Variants in POR observed in about 807,000 individuals in gnomAD.
POR encodes the protein cytochrome p450 oxidoreductase.
POR carries 56 observed loss-of-function variants against 84.0 expected under a neutral mutation model. The observed-to-expected ratio is 0.67, with a 90% confidence interval of 0.54 to 0.83. The LOEUF (loss-of-function observed/expected upper bound fraction) is 0.83, where lower values mean the gene tolerates loss of function less well. Among genes scored for constraint, POR ranks in the 40% least tolerant of loss-of-function variants. The pLI, the probability that POR is intolerant of heterozygous loss-of-function variation, is 0.00. For synonymous variants in POR, 414 were observed against 400.5 expected (o/e 1.03, Z -0.40); for missense variants, 938 against 944.3 (o/e 0.99, Z 0.09).
chr7:75,920,056 CTTTTTTT>C (rs71519397), intron 1 of POR, among the ~76,000 whole-genome samples: 27 of 76,506 alleles, frequency 3.5e-4, no homozygotes, highest in South Asian at 1.4e-3. Context: ...AGTTGAATTT[CTTTTTTT>C]TTTTTTTTTT....
chr7:75,928,689 T>C (rs1484899108), intron 1 of POR, among the ~76,000 whole-genome samples: 3 of 149,292 alleles, frequency 2.0e-5, no homozygotes, highest in Non-Finnish European at 4.4e-5. Context: ...CTTGAAGCCA[T>C]GTGATGTGGG....
intron 3 of POR, among the ~76,000 whole-genome samples, chr7:75,976,103 T>C (rs1554556792): frequency 6.6e-6 from 1 of 152,170 alleles, no homozygotes; most frequent in East Asian, 1.9e-4. Flanking sequence ...GACACATCTC[T>C]TACAAAGTTT....
At chr7:75,955,483 G>A (rs138972761) in intron 2 of POR, among the ~76,000 whole-genome samples, 2,636 of 152,270 alleles carry the variant, frequency 0.017, 28 homozygotes, top group Non-Finnish European at 0.024. Context: ...ACGCTTGGCT[G>A]TGTTTAACAC....
At chr7:75,984,493 G>A (rs1554558694) in intron 10 of POR, among the ~76,000 whole-genome samples, 2 of 152,192 alleles carry the variant, frequency 1.3e-5, no homozygotes, top group African/African-American at 2.4e-5. Flanking sequence ...GTGTCAGACC[G>A]TGTAGTGTGC....
intron 1 of POR, among the ~76,000 whole-genome samples, chr7:75,946,360 C>T (rs868963433): frequency 6.6e-6 from 1 of 151,950 alleles, no homozygotes; most frequent in African/African-American, 2.4e-5. Flanking sequence ...GATTATGGCT[C>T]ACCGCAACCT....
chr7:75,979,421 C>T (rs1438563163), intron 3 of POR, 30 bp from the exon 4 acceptor site: 15 of 1,608,730 alleles, frequency 9.3e-6, no homozygotes, highest in East Asian at 2.2e-5. Flanking sequence ...GGTCTGTGGC[C>T]CTCACCAACC....
intron 1 of POR, chr7:75,915,798 C>G (rs1554547999): frequency 6.6e-6 from 1 of 152,180 alleles, no homozygotes; most frequent in Non-Finnish European, 1.5e-5. Context: ...AGCCGGGACA[C>G]CCTTAGATCG....
chr7:75,979,777 G>A (rs1788903989), intron 4 of POR, 198 bp downstream of exon 4: 1 of 692,586 alleles, frequency 1.4e-6, no homozygotes, highest in Non-Finnish European at 2.3e-6. Flanking sequence ...TGCAGTTGCA[G>A]CCACGTGCCA....
chr7:75,925,973 G>A (rs1459114978), intron 1 of POR, among the ~76,000 whole-genome samples: 3 of 151,582 alleles, frequency 2.0e-5, no homozygotes, highest in African/African-American at 7.3e-5. Context: ...AGGTTCTGAA[G>A]CTCTTAGTAC....
intron 2 of POR, among the ~76,000 whole-genome samples, chr7:75,958,384 C>T (rs1787776409): frequency 6.6e-6 from 1 of 152,102 alleles, no homozygotes; most frequent in South Asian, 2.1e-4. Context: ...TCCCAAAGTG[C>T]TGGGATTACA....
At chr7:75,939,623 G>A (rs1159831116) in intron 1 of POR, among the ~76,000 whole-genome samples, 4 of 138,802 alleles carry the variant, frequency 2.9e-5, no homozygotes, top group South Asian at 2.2e-4. Context: ...TTTTTTTTTC[G>A]AGACAGAGTC....
chr7:75,935,176 G>A (rs1000059761), intron 1 of POR, among the ~76,000 whole-genome samples: 2 of 152,120 alleles, frequency 1.3e-5, no homozygotes, highest in African/African-American at 2.4e-5. Flanking sequence ...GCACCAGCAC[G>A]CCCTGGATGT....
intron 2 of POR, among the ~76,000 whole-genome samples, chr7:75,969,828 C>T (rs1331089752): frequency 6.6e-6 from 1 of 152,218 alleles, no homozygotes; most frequent in Non-Finnish European, 1.5e-5. Flanking sequence ...GCGTCGCGCT[C>T]ATGGCAGGGA....
intron 8 of POR, chr7:75,983,301 G>C (rs782089264): frequency 2.0e-6 from 1 of 511,186 alleles, no homozygotes; most frequent in African/African-American, 1.9e-5. Context: ...AGATCGCGCC[G>C]CTGCACTCCA....
rs782801718 is a variant in POR, at chr7:75,986,472, G to A, written c.2034G>A (p.Val678=). The change falls in exon 16 of 16, where the codon GTG becomes GTA. Residue 678 remains valine, a synonymous_variant. Coordinates refer to ENST00000461988, the MANE Select transcript of POR (RefSeq NM_000941.3). ...CCAAGGGCCGCTACTCCCTGGACGTGTGGAGCTAGGGGCCTGCCTGCCCCA... is the reference window on the plus strand; with the variant it reads ...CCAAGGGCCGCTACTCCCTGGACGTATGGAGCTAGGGGCCTGCCTGCCCCA... 6.2e-7 allele frequency: 1 copy of A among 1,609,596 alleles called. No homozygotes were observed. The highest frequency in any genetic ancestry group is 2.2e-5 in the East Asian group (1 of 44,886).
chr7:75,986,156 C>T lies in POR; in HGVS notation c.1816-3C>T. 6.2e-7 allele frequency: 1 copy of T among 1,608,976 alleles called. No individual in the cohort carries two copies. Among genetic ancestry groups the T allele is most frequent in the Non-Finnish European group, 8.5e-7 (1 of 1,178,054 alleles). The stretch of plus-strand genomic sequence containing the variant: ...CCCCTCACAGCACCACCCTTGGCCC[C>T]AGGTCTACGTCCAGCACCTGCTAAA... On this transcript the variant is annotated splice_polypyrimidine_tract_variant and splice_region_variant and intron_variant, in intron 14 of 15. Transcript: ENST00000461988.
At chr7:75,915,457 G>A (rs1420852914) in intron 1 of POR, 1 of 152,336 alleles carries the variant, frequency 6.6e-6, no homozygotes, top group African/African-American at 2.4e-5. Flanking sequence ...GCAGGCCCTC[G>A]GCTGAGGGTT....
In POR at chr7:75,985,453, G is replaced by A. The variant is rs1308039574; in HGVS notation, c.1399-126G>A. On this transcript the variant is annotated intron_variant, in intron 12 of 15. Transcript: ENST00000461988. Reference sequence around the variant, plus strand: ...AGCCGCTGGGGAGGGGGCCTCTGAGGTTTGGGTGCCAGGTGGGCTGGAAGA... The same window carrying A: ...AGCCGCTGGGGAGGGGGCCTCTGAGATTTGGGTGCCAGGTGGGCTGGAAGA... The A allele has an allele frequency of 2.4e-6, 3 of 1,270,440 alleles. No homozygotes were observed. In the African/African-American group the frequency reaches 4.5e-5, roughly 19 times the overall value. The allele number at this position is 1,270,440 out of a possible 1,614,324, so 78.7% of individuals were successfully genotyped here. A position where few individuals can be genotyped will look rare whatever the true frequency, so the allele number is the denominator to read the frequency against.
At chr7:75,980,265 C>T (rs1004537348) in intron 4 of POR, 74 bp from the exon 5 acceptor site, 2 of 1,541,722 alleles carry the variant, frequency 1.3e-6, no homozygotes, top group South Asian at 1.2e-5. Flanking sequence ...ACCTGGCCTT[C>T]CCCATCTGGT....
Sources: allele counts gnomAD v4.1 joint callset (sites outside exome capture counted in the v4.1 genomes callset), GRCh38; gene constraint gnomAD v4.1.1; transcripts MANE v1.5; gene names NCBI Gene and HGNC (gene_info 2026-07-23, HGNC 2026-07-21).